CNTNAP4: variants seen among roughly 807,000 people sequenced by gnomAD.
CNTNAP4 encodes contactin-associated protein-like 4.
Under a neutral mutation model 148.4 loss-of-function variants are expected in CNTNAP4, and 98 were observed. The observed-to-expected ratio is 0.66, with a 90% CI of 0.56 to 0.78. The LOEUF (loss-of-function observed/expected upper bound fraction) is 0.78. Among genes scored for constraint, CNTNAP4 ranks in the 30% least tolerant of loss-of-function variants. CNTNAP4 has a pLI of 0.00. For missense variants in CNTNAP4, 1,935 were observed against 1,565.6 expected (o/e 1.24, Z -3.98); for synonymous variants, 730 against 565.1 (o/e 1.29, Z -4.14).
chr16:76,373,172 A>G (rs1232651098), intron 3 of CNTNAP4, among the ~76,000 whole-genome samples: 1 of 151,678 alleles, frequency 6.6e-6, no homozygotes, highest in African/African-American at 2.4e-5. Flanking sequence ...TTCCACATAA[A>G]TAGGTGAATA....
At chr16:76,322,969 G>T (rs1962582438) in intron 2 of CNTNAP4, among the ~76,000 whole-genome samples, 2 of 151,706 alleles carry the variant, frequency 1.3e-5, no homozygotes, top group Non-Finnish European at 2.9e-5. Context: ...TGAGTATCTG[G>T]GTGTACAGGC....
At chr16:76,540,557 C>A in intron 20 of CNTNAP4, 146 bp from the exon 21 acceptor site, 1 of 291,988 alleles carries the variant, frequency 3.4e-6, no homozygotes, top group Non-Finnish European at 6.4e-6. Context: ...AGTGGCTAAG[C>A]TTTTAAATTT....
chr16:76,300,519 C>T (rs1438626083), intron 1 of CNTNAP4, among the ~76,000 whole-genome samples: 1 of 152,074 alleles, frequency 6.6e-6, no homozygotes, highest in African/African-American at 2.4e-5. Flanking sequence ...GCACGTTTTG[C>T]ACATGTATCC....
intron 1 of CNTNAP4, among the ~76,000 whole-genome samples, chr16:76,315,739 C>A (rs142415896): frequency 1.2e-4 from 18 of 152,104 alleles, no homozygotes; most frequent in Middle Eastern, 3.4e-3. Flanking sequence ...AGACTACAGG[C>A]GTGTGCCACC....
At chr16:76,479,080 A>T (rs1193600367) in intron 11 of CNTNAP4, among the ~76,000 whole-genome samples, 1 of 152,096 alleles carries the variant, frequency 6.6e-6, no homozygotes, top group African/African-American at 2.4e-5. Flanking sequence ...ATAAGTTATG[A>T]CATTATACTT....
intron 1 of CNTNAP4, among the ~76,000 whole-genome samples, chr16:76,283,008 C>T (rs893158041): frequency 2.0e-4 from 31 of 151,538 alleles, no homozygotes; most frequent in Non-Finnish European, 2.4e-4. Flanking sequence ...ATAAACCCCC[C>T]CACCAAAAAA....
intron 3 of CNTNAP4, among the ~76,000 whole-genome samples, chr16:76,373,624 T>G (rs1331950538): frequency 6.6e-6 from 1 of 152,028 alleles, no homozygotes; most frequent in Admixed American, 6.6e-5. Context: ...GCGCAGTGGC[T>G]CATCTCATGC....
At chr16:76,326,810 TG>T (rs1963028833) in intron 2 of CNTNAP4, among the ~76,000 whole-genome samples, 1 of 44,558 alleles carries the variant, frequency 2.2e-5, no homozygotes, top group African/African-American at 9.1e-5. Flanking sequence ...GGGGTGGGGG[TG>T]GGGGAGAGGG....
At chr16:76,292,509 G>A (rs1555515004) in intron 1 of CNTNAP4, among the ~76,000 whole-genome samples, 1 of 152,002 alleles carries the variant, frequency 6.6e-6, no homozygotes, top group Non-Finnish European at 1.5e-5. Context: ...GTTCCTCTCT[G>A]GAGCTCAGTG....
At chr16:76,409,400 C>T (rs1197221232) in intron 3 of CNTNAP4, among the ~76,000 whole-genome samples, 1 of 151,800 alleles carries the variant, frequency 6.6e-6, no homozygotes, top group Non-Finnish European at 1.5e-5. Context: ...TCAGAGGATG[C>T]ATACAAATAT....
At chr16:76,287,657 T>C (rs1958942401) in intron 1 of CNTNAP4, 1 of 152,236 alleles carries the variant, frequency 6.6e-6, no homozygotes, top group South Asian at 2.1e-4. Flanking sequence ...GGCTGTGACA[T>C]CTGTCGTGTT....
intron 2 of CNTNAP4, among the ~76,000 whole-genome samples, chr16:76,329,670 A>G (rs1963330544): frequency 6.6e-6 from 1 of 152,218 alleles, no homozygotes. Flanking sequence ...AACCACATTT[A>G]AGTGACGTAA....
Position 76,480,710 on chromosome 16 carries a change from C to T in CNTNAP4, c.1882+1172C>T, listed in dbSNP as rs148354889. Among the ~76,000 whole-genome samples, 196 of 152,162 alleles carry T rather than the reference C, an allele frequency of 1.3e-3. 1 individual carries two copies. The highest frequency in any genetic ancestry group is 4.2e-3 in the African/African-American group (175 of 41,516). The stretch of plus-strand genomic sequence containing the variant: ...CCAAGATTGTGCCACTGCACTTCAG[C>T]CTGGTGACAGAGTGAGACTCTGTCT... On this transcript the variant is annotated intron_variant, in intron 12 of 23. Coordinates refer to ENST00000611870, the MANE Select transcript of CNTNAP4 (RefSeq NM_033401.5).
chr16:76,368,566 A>G (rs1191242408), intron 3 of CNTNAP4, among the ~76,000 whole-genome samples: 1 of 152,112 alleles, frequency 6.6e-6, no homozygotes, highest in Non-Finnish European at 1.5e-5. Context: ...GCAAACCAAC[A>G]CAGGAACAGA....
At chr16:76,525,211 C>G (rs1331171327) in intron 17 of CNTNAP4, among the ~76,000 whole-genome samples, 1 of 150,848 alleles carries the variant, frequency 6.6e-6, no homozygotes, top group African/African-American at 2.4e-5. Context: ...TTTTTTTTCC[C>G]TGTAGGCAGA....
At chr16:76,373,921 G>A (rs957891113) in intron 3 of CNTNAP4, among the ~76,000 whole-genome samples, 2 of 147,898 alleles carry the variant, frequency 1.4e-5, no homozygotes, top group Admixed American at 6.7e-5. Context: ...AAAAGAAAAG[G>A]AAAGGAAACA....
At position 76,535,467 on chromosome 16, in the gene CNTNAP4, G is replaced by A. The variant is rs187454484; in HGVS notation, c.2756-78G>A. 1.4e-4 allele frequency: 217 copies of A among 1,497,540 alleles called. 1 individual carries two copies. The African/African-American group carries it at 2.3e-3, about 16-fold the overall frequency. The allele number at this position is 1,497,540 out of a possible 1,614,324, so 92.8% of individuals were successfully genotyped here. ...CATTTTTTTTGCCGTTCTCTGTAAG[G>A]CCTCAGTTTTGTTTGGTCTTTAAAC... On this transcript the variant is annotated intron_variant, in intron 17 of 23. Coordinates refer to ENST00000611870, the MANE Select transcript of CNTNAP4 (RefSeq NM_033401.5).
intron 3 of CNTNAP4, among the ~76,000 whole-genome samples, chr16:76,409,100 C>T (rs978278246): frequency 1.3e-5 from 2 of 151,820 alleles, no homozygotes; most frequent in Non-Finnish European, 2.9e-5. Flanking sequence ...GAATGTATGG[C>T]ACAATAGGCT....
chr16:76,515,897 C>T (rs552124762), intron 15 of CNTNAP4, among the ~76,000 whole-genome samples: 2 of 152,236 alleles, frequency 1.3e-5, no homozygotes, highest in South Asian at 2.1e-4. Flanking sequence ...AACAAAACCA[C>T]ACTAGAAAAC....
Sources: allele counts gnomAD v4.1 joint callset (sites outside exome capture counted in the v4.1 genomes callset), GRCh38; gene constraint gnomAD v4.1.1; transcripts MANE v1.5; gene names NCBI Gene and HGNC (gene_info 2026-07-23, HGNC 2026-07-21).